Variants in GRID2 observed in about 807,000 individuals in gnomAD.
The protein encoded by GRID2 is glutamate receptor ionotropic, delta-2.
Under a neutral mutation model 114.8 loss-of-function variants are expected in GRID2, and 33 were observed. The observed-to-expected ratio is 0.29, with a 90% CI of 0.22 to 0.38. The LOEUF (loss-of-function observed/expected upper bound fraction) is 0.38, where lower values mean the gene tolerates loss of function less well. Ranked by LOEUF, GRID2 falls within the 10% of genes least tolerant of loss-of-function variation. The probability of loss-of-function intolerance (pLI) is 1.00; values close to 1 mark genes in which losing one functional copy is unlikely to be tolerated. For synonymous variants in GRID2, 505 were observed against 449.9 expected (o/e 1.12, Z -1.55); for missense variants, 1,184 against 1,257.7 (o/e 0.94, Z 0.89).
intron 8 of GRID2, among the ~76,000 whole-genome samples, chr4:93,335,835 A>G (rs1313676280): frequency 6.6e-6 from 1 of 151,908 alleles, no homozygotes; most frequent in African/African-American, 2.4e-5. Flanking sequence ...AATAGCTGGG[A>G]CTACAGGCAC....
intron 1 of GRID2, among the ~76,000 whole-genome samples, chr4:92,326,572 A>G (rs1726608104): frequency 6.6e-6 from 1 of 151,962 alleles, no homozygotes; most frequent in Admixed American, 6.6e-5. Context: ...ATAATCTGTA[A>G]TGAAAATGAT....
At chr4:92,996,249 C>T (rs1755189095) in intron 2 of GRID2, among the ~76,000 whole-genome samples, 1 of 151,410 alleles carries the variant, frequency 6.6e-6, no homozygotes, top group Non-Finnish European at 1.5e-5. Context: ...AAGATTATGC[C>T]ACTGCACTAC....
At chr4:93,289,013 G>A (rs1398901273) in intron 8 of GRID2, among the ~76,000 whole-genome samples, 1 of 152,166 alleles carries the variant, frequency 6.6e-6, no homozygotes, top group Non-Finnish European at 1.5e-5. Context: ...GAAACAACAT[G>A]CCTTATTTTG....
intron 1 of GRID2, among the ~76,000 whole-genome samples, chr4:92,432,535 G>T (rs1296374533): frequency 2.6e-5 from 4 of 151,990 alleles, no homozygotes; most frequent in Admixed American, 2.6e-4. Flanking sequence ...ACTACTCCAG[G>T]CCTGTGGGGT....
At chr4:93,581,453 T>C (rs1736976733) in intron 13 of GRID2, among the ~76,000 whole-genome samples, 1 of 152,158 alleles carries the variant, frequency 6.6e-6, no homozygotes, top group African/African-American at 2.4e-5. Context: ...TATGTTATAG[T>C]AAATCTGGAA....
intron 4 of GRID2, among the ~76,000 whole-genome samples, chr4:93,167,037 C>T (rs1013301948): frequency 1.3e-5 from 2 of 151,896 alleles, no homozygotes; most frequent in African/African-American, 4.8e-5. Flanking sequence ...TGCATGGTGG[C>T]GGTGAGAGAG....
chr4:92,341,209 T>C (rs1460099614), intron 1 of GRID2, among the ~76,000 whole-genome samples: 1 of 152,150 alleles, frequency 6.6e-6, no homozygotes, highest in Non-Finnish European at 1.5e-5. Flanking sequence ...TCAAATCAGG[T>C]TAGAAAATCT....
chr4:92,519,417 A>G (rs956722014), intron 1 of GRID2, among the ~76,000 whole-genome samples: 1 of 151,624 alleles, frequency 6.6e-6, no homozygotes, highest in Non-Finnish European at 1.5e-5. Context: ...CTTTATTTCA[A>G]AGTTCTCAGA....
At chr4:93,179,255 G>T (rs1739655283) in intron 4 of GRID2, among the ~76,000 whole-genome samples, 1 of 152,154 alleles carries the variant, frequency 6.6e-6, no homozygotes, top group Non-Finnish European at 1.5e-5. Context: ...CACAGCAATT[G>T]CAGCCAGGGT....
chr4:93,089,344 G>A (rs567873325), intron 3 of GRID2, among the ~76,000 whole-genome samples: 1 of 152,240 alleles, frequency 6.6e-6, no homozygotes, highest in Non-Finnish European at 1.5e-5. Flanking sequence ...CAATTAGGAA[G>A]GTTTACTTAT....
rs1200786593 is a variant in GRID2 at position 92,351,577 on chromosome 4, A to T, written c.88+46833A>T. Among the ~76,000 whole-genome samples, 3 of 151,764 alleles carry T rather than the reference A, an allele frequency of 2.0e-5. No homozygotes were observed. The East Asian group carries it at 5.8e-4, about 29-fold the overall frequency. On this transcript the variant is annotated intron_variant, in intron 1 of 15. Transcript: ENST00000282020. ...AATTATTCTTAACTATAGACACCCT[A>T]CAGTGCTATGAAACACTAGAACTTT...
At chr4:93,129,569 T>C (rs915459633) in intron 4 of GRID2, among the ~76,000 whole-genome samples, 1 of 152,124 alleles carries the variant, frequency 6.6e-6, no homozygotes, top group African/African-American at 2.4e-5. Context: ...AATATCACAA[T>C]CCAGGGCCTA....
intron 2 of GRID2, among the ~76,000 whole-genome samples, chr4:92,827,211 T>C (rs533141505): frequency 4.1e-4 from 63 of 152,142 alleles, no homozygotes; most frequent in Admixed American, 3.7e-3. Flanking sequence ...TTCTATTTTA[T>C]TTAAAACCAT....
At chr4:92,955,676 C>G (rs1752352558) in intron 2 of GRID2, among the ~76,000 whole-genome samples, 2 of 152,098 alleles carry the variant, frequency 1.3e-5, no homozygotes, top group African/African-American at 4.8e-5. Flanking sequence ...GTGTTTTAGA[C>G]ATGAAGTCCT....
intron 2 of GRID2, among the ~76,000 whole-genome samples, chr4:92,625,956 A>G (rs537361199): frequency 1.3e-5 from 2 of 152,022 alleles, no homozygotes; most frequent in Non-Finnish European, 2.9e-5. Context: ...CTTACATTTT[A>G]AAATTCTGTT....
intron 8 of GRID2, among the ~76,000 whole-genome samples, chr4:93,311,412 C>G (rs1384000434): frequency 2.0e-5 from 3 of 152,098 alleles, no homozygotes; most frequent in African/African-American, 7.2e-5. Flanking sequence ...AACTGTGCAC[C>G]AATTTCTTCT....
chr4:92,948,495 C>A (rs1751806138), intron 2 of GRID2, among the ~76,000 whole-genome samples: 1 of 151,792 alleles, frequency 6.6e-6, no homozygotes, highest in Admixed American at 6.6e-5. Flanking sequence ...AGACATTTCT[C>A]TTTCTCTTTC....
At chr4:93,049,342 A>G (rs950943509) in intron 2 of GRID2, among the ~76,000 whole-genome samples, 1 of 152,048 alleles carries the variant, frequency 6.6e-6, no homozygotes, top group Non-Finnish European at 1.5e-5. Context: ...TTTCTAGGAT[A>G]TGTGCACGCA....
At chr4:93,067,261 C>T (rs1728377317) in intron 2 of GRID2, among the ~76,000 whole-genome samples, 1 of 151,924 alleles carries the variant, frequency 6.6e-6, no homozygotes, top group African/African-American at 2.4e-5. Flanking sequence ...TAAATTATCT[C>T]TTTTGCCAAG....
Sources: gnomAD v4.1 joint callset for allele counts (sites outside exome capture counted in the v4.1 genomes callset) on GRCh38, gnomAD v4.1.1 for gene constraint, MANE v1.5 for transcripts, NCBI Gene and HGNC (gene_info 2026-07-23, HGNC 2026-07-21) for gene names.